The following EPM2A variants were observed in gnomAD, a reference collection of about 807,000 sequenced individuals.
EPM2A encodes EPM2A glucan phosphatase, laforin.
Under a neutral mutation model 26.5 loss-of-function variants are expected in EPM2A, and 21 were observed. The ratio of observed to expected loss-of-function variants is 0.79; its 90% CI spans 0.56 to 1.14. The LOEUF is 1.14. Among genes scored for constraint, EPM2A ranks in the 50% most tolerant of loss-of-function variants. The probability of loss-of-function intolerance (pLI) is 0.00; values close to 1 mark genes in which losing one functional copy is unlikely to be tolerated. For synonymous variants in EPM2A, 217 were observed against 177.6 expected, an observed-to-expected ratio of 1.22 and a Z score of -1.76; for missense variants, 458 against 440.8, an observed-to-expected ratio of 1.04 and a Z score of -0.35.
At chr6:145,588,156 A>C (rs1781222706) in intron 2 of EPM2A, among the ~76,000 whole-genome samples, 1 of 152,178 alleles carries the variant, frequency 6.6e-6, no homozygotes, top group Admixed American at 6.5e-5. Context: ...TTTATTTCCA[A>C]ATACAGGATT....
At chr6:145,439,734 T>C (rs556860823) in intron 4 of EPM2A, among the ~76,000 whole-genome samples, 41 of 152,178 alleles carry the variant, frequency 2.7e-4, no homozygotes, top group Non-Finnish European at 4.1e-4. Flanking sequence ...GTCAGATGCA[T>C]AGTTTGCAAA....
At chr6:145,601,728 C>A (rs1056165335) in intron 2 of EPM2A, among the ~76,000 whole-genome samples, 2 of 152,148 alleles carry the variant, frequency 1.3e-5, no homozygotes, top group African/African-American at 4.8e-5. Flanking sequence ...TGCACCTCTT[C>A]AAAGTAGAAA....
At position 145,604,882 on chromosome 6, in the gene EPM2A, T is replaced by C. The variant is rs1353422548; in HGVS notation, c.340+30363A>G. On this transcript the variant is annotated intron_variant, in intron 2 of 3. Coordinates refer to the EPM2A transcript ENST00000450221. ...GAATAAAGCATATTACCTCTAGCTA[T>C]TTCCAATTTCCCTTTTCAAACAATT... Among the ~76,000 whole-genome samples the C allele has an allele frequency of 2.0e-5, 3 of 152,284 alleles. No individual in the cohort carries two copies. In the South Asian group the frequency reaches 6.2e-4, roughly 32 times the overall value.
At chr6:145,429,514 C>A (rs996551562) in intron 4 of EPM2A, among the ~76,000 whole-genome samples, 1 of 151,264 alleles carries the variant, frequency 6.6e-6, no homozygotes, top group African/African-American at 2.4e-5. Context: ...TCATGATAAA[C>A]CTTAGAAAAA....
intron 2 of EPM2A, among the ~76,000 whole-genome samples, chr6:145,670,045 G>A (rs368509373): frequency 6.6e-6 from 1 of 152,112 alleles, no homozygotes; most frequent in Non-Finnish European, 1.5e-5. Flanking sequence ...GAGATGAATC[G>A]TTTATTCTCC....
rs1582865396 is a variant in EPM2A at position 145,573,010 on chromosome 6, C to T, written c.340+62235G>A. Among the ~76,000 whole-genome samples, 3 of 152,188 alleles carry T rather than the reference C, an allele frequency of 2.0e-5. No homozygotes were observed. In the East Asian group the frequency reaches 5.8e-4, roughly 29 times the overall value. On this transcript the variant is annotated intron_variant, in intron 2 of 3. Coordinates refer to the EPM2A transcript ENST00000450221. ...ACCTTAGAAGGAATATCTCAACAGG[C>T]CCCACACCACTGGACTTCTAGAAAT...
At chr6:145,670,880 C>T in intron 2 of EPM2A, 4 of 984,532 alleles carry the variant, frequency 4.1e-6, no homozygotes, top group African/African-American at 1.7e-5. Flanking sequence ...CTCTCACACG[C>T]CCAGTTAATA....
At chr6:145,732,054 TTTTC>T (rs1224825264) in intron 1 of EPM2A, among the ~76,000 whole-genome samples, 1 of 152,162 alleles carries the variant, frequency 6.6e-6, no homozygotes, top group Admixed American at 6.5e-5. Context: ...GGCTCAGATA[TTTTC>T]TCTCTGATTT....
intron 2 of EPM2A, among the ~76,000 whole-genome samples, chr6:145,509,208 G>C (rs1780019704): frequency 6.6e-6 from 1 of 152,096 alleles, no homozygotes. Flanking sequence ...TGGCTAGAGA[G>C]GTCAATATGC....
chr6:145,615,502 G>A (rs1775487680), intron 2 of EPM2A, among the ~76,000 whole-genome samples: 1 of 152,018 alleles, frequency 6.6e-6, no homozygotes, highest in Non-Finnish European at 1.5e-5. Flanking sequence ...TACAGTATTA[G>A]TACGGTAGAG....
chr6:145,540,103 T>G (rs954480118), intron 2 of EPM2A, among the ~76,000 whole-genome samples: 6 of 152,220 alleles, frequency 3.9e-5, no homozygotes, highest in Admixed American at 6.5e-5. Context: ...GCCTCCAGCC[T>G]GACCCTGGTG....
intron 1 of EPM2A, among the ~76,000 whole-genome samples, chr6:145,722,084 AGATACG>A: frequency 6.6e-6 from 1 of 152,360 alleles, no homozygotes; most frequent in African/African-American, 2.4e-5. Context: ...ATGGAAGATC[AGATACG>A]GGGGGAGATA....
rs72998755 is a variant in EPM2A, at chr6:145,478,449, C to T, written c.555+24073G>A. 7.2e-3 allele frequency among the ~76,000 whole-genome samples: 1,088 copies of T among 151,778 alleles called. 7 individuals are homozygous for T. Among genetic ancestry groups the T allele is most frequent in the Non-Finnish European group, 0.011 (753 of 67,738 alleles). ...AAATTATAAAATGTATATGGAACCA[C>T]GAAAGACCCAGAATAATCAAAGCTA... On this transcript the variant is annotated intron_variant, in intron 4 of 4. Transcript: ENST00000638717.
At chr6:145,559,327 A>G (rs2114812520) in intron 2 of EPM2A, among the ~76,000 whole-genome samples, 1 of 152,240 alleles carries the variant, frequency 6.6e-6, no homozygotes, top group South Asian at 2.1e-4. Flanking sequence ...AATAATCAAT[A>G]GAGCAGAGGA....
chr6:145,483,334 T>C (rs752436213), intron 4 of EPM2A, among the ~76,000 whole-genome samples: 58 of 152,068 alleles, frequency 3.8e-4, no homozygotes, highest in Non-Finnish European at 5.4e-4. Context: ...ACTTAATGTT[T>C]AGTCATCATA....
At chr6:145,689,224 T>A (rs2128617179) in intron 1 of EPM2A, among the ~76,000 whole-genome samples, 1 of 152,316 alleles carries the variant, frequency 6.6e-6, no homozygotes, top group East Asian at 1.9e-4. Context: ...ATTCAAAATA[T>A]GTTCTAATAA....
intron 1 of EPM2A, among the ~76,000 whole-genome samples, chr6:145,714,621 G>C (rs564541665): frequency 4.5e-4 from 68 of 152,190 alleles, no homozygotes; most frequent in Non-Finnish European, 7.8e-4. Flanking sequence ...AAAAGAAAGA[G>C]GTTTAATTGG....
intron 4 of EPM2A, among the ~76,000 whole-genome samples, chr6:145,489,087 CT>C (rs1312445658): frequency 2.0e-5 from 3 of 152,122 alleles, no homozygotes; most frequent in Non-Finnish European, 4.4e-5. Flanking sequence ...GCCACCACCC[CT>C]CTCTCTGTTG....
chr6:145,490,666 T>A (rs1468074289), intron 4 of EPM2A: 2 of 616,406 alleles, frequency 3.2e-6, no homozygotes, highest in Non-Finnish European at 6.3e-6. Context: ...CTCAGTAGAG[T>A]GTGATTTCAT....
Sources: allele counts gnomAD v4.1 joint callset (sites outside exome capture counted in the v4.1 genomes callset), GRCh38; gene constraint gnomAD v4.1.1; transcripts MANE v1.5; gene names NCBI Gene and HGNC (gene_info 2026-07-23, HGNC 2026-07-21).